The following DIPK2B variants were observed in gnomAD, a reference collection of about 807,000 sequenced individuals.
The protein encoded by DIPK2B is divergent protein kinase domain 2B, also known as UPF0672 protein CXorf36.
DIPK2B carries 15 observed loss-of-function variants against 22.2 expected under a neutral mutation model. That is an observed-to-expected ratio of 0.68 (90% CI 0.45 to 1.04). The LOEUF (loss-of-function observed/expected upper bound fraction) is 1.04, where lower values mean the gene tolerates loss of function less well. DIPK2B is among the 50% of genes least tolerant of loss of function. The pLI, the probability that DIPK2B is intolerant of heterozygous loss-of-function variation, is 0.00. For missense variants in DIPK2B, 345 were observed against 348.3 expected, an observed-to-expected ratio of 0.99 and a Z score of 0.08; for synonymous variants, 163 against 153.2, an observed-to-expected ratio of 1.06 and a Z score of -0.47.
chrX:45,176,937 G>A (rs4582677), intron 2 of DIPK2B, among the ~76,000 whole-genome samples: 19,223 of 110,868 alleles, frequency 0.17, 1,621 homozygotes, highest in Admixed American at 0.37. Context: ...GACATTTCTG[G>A]TATCAAGAGT....
chrX:45,166,719 T>C (rs1397950423), intron 2 of DIPK2B, among the ~76,000 whole-genome samples: 3 of 111,834 alleles, frequency 2.7e-5, no homozygotes, highest in African/African-American at 9.8e-5. Context: ...TTTGCTCAGA[T>C]GGAAACAAGT....
rs777992794 is a variant in DIPK2B at position 45,168,959 on chromosome X, TGGCATGACCTGA to T, written c.499-11083_499-11072del. ...AAATCCCAGTTCTGTCACTTAACGA[TGGCATGACCTGA>T]GGCAAGTTCTTTAATTTAGCTATGC... On this transcript the variant is annotated intron_variant, in intron 2 of 4. Transcript: ENST00000398000. Among the ~76,000 whole-genome samples the T allele has an allele frequency of 3.4e-4, 38 of 112,238 alleles. No individual in the cohort carries two copies. The East Asian group carries it at 4.2e-3, about 12-fold the overall frequency.
At chrX:45,168,812 A>T (rs1286108687) in intron 2 of DIPK2B, among the ~76,000 whole-genome samples, 2 of 111,806 alleles carry the variant, frequency 1.8e-5, no homozygotes, top group African/African-American at 6.5e-5. Flanking sequence ...TCTCTGCTGG[A>T]TGGATGGACA....
chrX:45,186,658 T>C (rs2047184591), intron 2 of DIPK2B, among the ~76,000 whole-genome samples: 1 of 112,506 alleles, frequency 8.9e-6, no homozygotes, highest in African/African-American at 3.2e-5. Context: ...TAGTAGCCTG[T>C]GAGGCATTAA....
At chrX:45,180,586 T>A (rs183870552) in intron 2 of DIPK2B, among the ~76,000 whole-genome samples, 1 of 111,835 alleles carries the variant, frequency 8.9e-6, no homozygotes, top group East Asian at 2.8e-4. Context: ...ATGGTATACA[T>A]GGAAAAATTC....
At chrX:45,199,610 T>A (rs2047256929) in intron 1 of DIPK2B, among the ~76,000 whole-genome samples, 1 of 111,572 alleles carries the variant, frequency 9.0e-6, no homozygotes, top group Admixed American at 9.5e-5. Flanking sequence ...TTTCAGCTCA[T>A]CCTTTAAAAG....
chrX:45,187,209 G>A (rs1472542469), intron 2 of DIPK2B, among the ~76,000 whole-genome samples: 1 of 111,785 alleles, frequency 8.9e-6, no homozygotes, highest in East Asian at 2.8e-4. Context: ...TGGAGGATAT[G>A]TGTTTTCCCC....
chrX:45,196,704 C>G (rs974494634), intron 1 of DIPK2B, among the ~76,000 whole-genome samples: 2 of 110,674 alleles, frequency 1.8e-5, no homozygotes, highest in African/African-American at 6.6e-5. Flanking sequence ...TCTCCACCCC[C>G]ACACCCTGCA....
chrX:45,171,333 G>A (rs2047079942), intron 2 of DIPK2B, among the ~76,000 whole-genome samples: 1 of 101,764 alleles, frequency 9.8e-6, no homozygotes, highest in African/African-American at 3.3e-5. Context: ...TGCAAACCAT[G>A]TTTAGACCCA....
intron 1 of DIPK2B, among the ~76,000 whole-genome samples, chrX:45,196,928 A>G (rs1006445834): frequency 4.4e-5 from 5 of 112,375 alleles, no homozygotes; most frequent in African/African-American, 1.3e-4. Context: ...TTAAAGGTCA[A>G]TGGTTGAGTA....
Position 45,151,221 on chromosome X carries a change from C to G in DIPK2B, c.*431G>C, listed in dbSNP as rs1194562212. 7.9e-6 allele frequency: 1 copy of G among 126,304 alleles called. No individual in the cohort carries two copies. The highest frequency in any genetic ancestry group is 1.6e-5 in the Non-Finnish European group (1 of 62,940). 10.4% of individuals were successfully genotyped at this position (126,304 alleles called of 1,213,427 possible). A position where few individuals can be genotyped will look rare whatever the true frequency, so the allele number is the denominator to read the frequency against. The stretch of plus-strand genomic sequence containing the variant: ...CTTCCCTCCACTCCAGCCTCCTGAC[C>G]TGAGCAGCTCTTTCTCATGCTCCCC... On this transcript the variant is annotated 3_prime_UTR_variant, in exon 5 of 5. Coordinates refer to ENST00000398000, the MANE Select transcript of DIPK2B (RefSeq NM_176819.4).
intron 2 of DIPK2B, chrX:45,163,703 T>C: frequency 1.3e-6 from 1 of 755,593 alleles, no homozygotes; most frequent in Non-Finnish European, 1.6e-6. Context: ...TTTTTTTCCC[T>C]CTAGAAGCCA....
rs1259866201 is a variant in DIPK2B at position 45,149,505 on chromosome X, A to C, written c.*2147T>G. 1 of 113,462 alleles carries C rather than the reference A, an allele frequency of 8.8e-6. No homozygotes were observed. The highest frequency in any genetic ancestry group is 3.2e-5 in the African/African-American group (1 of 31,149). The allele number at this position is 113,462 out of a possible 1,213,427, so 9.4% of individuals were successfully genotyped here. ...GTTGCCCTGGGGCAATGCCCGTAGC[A>C]GTCAAGAGACAAACCCAAAAGGGAA... On this transcript the variant is annotated 3_prime_UTR_variant, in exon 5 of 5. Coordinates refer to ENST00000398000, the MANE Select transcript of DIPK2B (RefSeq NM_176819.4).
intron 1 of DIPK2B, among the ~76,000 whole-genome samples, chrX:45,196,494 C>A (rs1220475775): frequency 9.0e-6 from 1 of 111,253 alleles, no homozygotes; most frequent in Non-Finnish European, 1.9e-5. Flanking sequence ...CAAAATCAGG[C>A]CTGACGATTT....
At chrX:45,177,462 G>A (rs1041152713) in intron 2 of DIPK2B, among the ~76,000 whole-genome samples, 1 of 109,170 alleles carries the variant, frequency 9.2e-6, no homozygotes, top group South Asian at 4.1e-4. Flanking sequence ...TCCCACGAGA[G>A]CTGGTTATTA....
chrX:45,153,519 T>TGA (rs1225552308), intron 4 of DIPK2B, among the ~76,000 whole-genome samples: 1 of 100,763 alleles, frequency 9.9e-6, no homozygotes, highest in East Asian at 3.0e-4. Context: ...TGTGTGTGTG[T>TGA]GTGACAGAGA....
chrX:45,168,439 A>T (rs894923188), intron 2 of DIPK2B, among the ~76,000 whole-genome samples: 24 of 112,613 alleles, frequency 2.1e-4, no homozygotes, highest in African/African-American at 7.1e-4. Flanking sequence ...GGTCAGGGAT[A>T]TGAAATGTTT....
intron 2 of DIPK2B, among the ~76,000 whole-genome samples, chrX:45,160,022 G>T (rs892237426): frequency 3.6e-5 from 4 of 109,954 alleles, no homozygotes; most frequent in African/African-American, 1.3e-4. Flanking sequence ...GAGGTGATTG[G>T]ATCATGGGAG....
intron 2 of DIPK2B, among the ~76,000 whole-genome samples, chrX:45,182,718 G>A (rs771598733): frequency 3.4e-4 from 39 of 113,234 alleles, no homozygotes; most frequent in Non-Finnish European, 3.6e-4. Flanking sequence ...ACCAACCACG[G>A]ATTCACGCAA....
Sources: allele counts gnomAD v4.1 joint callset (sites outside exome capture counted in the v4.1 genomes callset), GRCh38; gene constraint gnomAD v4.1.1; transcripts MANE v1.5; gene names NCBI Gene and HGNC (gene_info 2026-07-23, HGNC 2026-07-21).